Variants in THADA observed in about 807,000 individuals in gnomAD.
THADA encodes the protein tRNA (32-2'-O)-methyltransferase regulator THADA.
A neutral mutation model predicts 219.8 loss-of-function variants in THADA; 213 were observed. The observed-to-expected ratio is 0.97, with a 90% CI of 0.87 to 1.09. THADA has a LOEUF of 1.09. THADA is among the 50% of genes least tolerant of loss of function. The probability of loss-of-function intolerance (pLI) is 0.00; values close to 1 mark genes in which losing one functional copy is unlikely to be tolerated. For synonymous variants in THADA, 1,018 were observed against 828.9 expected (o/e 1.23, Z -3.92); for missense variants, 2,956 against 2,311.3 (o/e 1.28, Z -5.72).
chr2:43,445,656 A>T (rs7556744), intron 26 of THADA, among the ~76,000 whole-genome samples: 1 of 152,106 alleles, frequency 6.6e-6, no homozygotes, highest in South Asian at 2.1e-4. Flanking sequence ...AGGTAGCCAT[A>T]GGATTTTTGG....
chr2:43,456,279 A>C (rs1386042082), intron 26 of THADA, among the ~76,000 whole-genome samples: 6 of 152,228 alleles, frequency 3.9e-5, no homozygotes, highest in African/African-American at 1.4e-4. Context: ...TTCAAATACT[A>C]TTTATCTGAC....
intron 29 of THADA, among the ~76,000 whole-genome samples, chr2:43,363,588 T>C (rs1030413000): frequency 5.9e-5 from 9 of 152,230 alleles, no homozygotes; most frequent in African/African-American, 2.2e-4. Context: ...GAGGGATGTC[T>C]TCAACTTTGG....
intron 36 of THADA, among the ~76,000 whole-genome samples, chr2:43,273,914 T>G (rs1328696009): frequency 6.6e-6 from 1 of 152,068 alleles, no homozygotes; most frequent in African/African-American, 2.4e-5. Context: ...TGTGCAGATG[T>G]TGTTTTTTTC....
At chr2:43,507,494 G>C (rs527936252) in intron 23 of THADA, among the ~76,000 whole-genome samples, 1 of 152,216 alleles carries the variant, frequency 6.6e-6, no homozygotes, top group African/African-American at 2.4e-5. Context: ...TACAGAATGG[G>C]TCAGATCAAA....
intron 37 of THADA, among the ~76,000 whole-genome samples, chr2:43,232,025 A>C (rs1192585227): frequency 6.6e-6 from 1 of 152,042 alleles, no homozygotes; most frequent in Non-Finnish European, 1.5e-5. Flanking sequence ...AGTTTTCTTC[A>C]AGCAGGAAGT....
Position 43,555,700 on chromosome 2 carries a change from T to C in THADA, c.2674+645A>G, listed in dbSNP as rs898837775. Among the ~76,000 whole-genome samples, 3 of 152,140 alleles carry C rather than the reference T, an allele frequency of 2.0e-5. No individual in the cohort carries two copies. The East Asian group carries it at 5.8e-4, about 29-fold the overall frequency. ...CCTCCTCTTTTTCTCCCATTACTAG[T>C]TCTCTTTTTCATGGCTGTTTCTACC... On this transcript the variant is annotated intron_variant, in intron 17 of 37. Coordinates refer to ENST00000405975, the MANE Select transcript of THADA (RefSeq NM_022065.5).
intron 26 of THADA, among the ~76,000 whole-genome samples, chr2:43,441,930 G>T (rs760722435): frequency 7.2e-5 from 11 of 152,118 alleles, no homozygotes; most frequent in African/African-American, 2.2e-4. Context: ...CATGTTGGGC[G>T]CAATCCTATG....
intron 31 of THADA, among the ~76,000 whole-genome samples, chr2:43,309,370 C>T (rs1677230384): frequency 2.6e-5 from 4 of 152,258 alleles, no homozygotes; most frequent in South Asian, 4.2e-4. Flanking sequence ...AACATATGAC[C>T]GAACACTTCT....
At chr2:43,594,937 C>T (rs1290129084) in intron 1 of THADA, among the ~76,000 whole-genome samples, 4 of 152,210 alleles carry the variant, frequency 2.6e-5, no homozygotes, top group Non-Finnish European at 4.4e-5. Context: ...ATAGCACTTA[C>T]TAGTACCAGA....
rs555165640 is a variant in THADA, at chr2:43,566,759, C to T, written c.2250G>A (p.Ser750=). The T allele has an allele frequency of 1.2e-5, 19 of 1,568,112 alleles. No individual in the cohort carries two copies. Among genetic ancestry groups the T allele is most frequent in the African/African-American group, 8.4e-5 (6 of 71,630 alleles). ...AAATGGTTAAAGCTGAAAATCTAGT[C>T]GAGTAGGAAGATCCAGGAAACAATG... The part of the protein sequence containing the change: ...FEALFPGSSY[S]TRFSALTILG... The change falls in exon 15 of 38, where the codon TCG becomes TCA. Residue 750 remains serine, a synonymous_variant. Coordinates refer to ENST00000405975, the MANE Select transcript of THADA (RefSeq NM_022065.5).
At chr2:43,525,154 A>C (rs1239665613) in intron 22 of THADA, among the ~76,000 whole-genome samples, 1 of 152,124 alleles carries the variant, frequency 6.6e-6, no homozygotes, top group Non-Finnish European at 1.5e-5. Context: ...CCCTCTTTCA[A>C]CTTCCTTTGT....
intron 26 of THADA, among the ~76,000 whole-genome samples, chr2:43,449,540 GAC>G (rs1432530462): frequency 6.6e-6 from 1 of 152,136 alleles, no homozygotes; most frequent in African/African-American, 2.4e-5. Flanking sequence ...AAAAGACAAA[GAC>G]AAAGAGATAA....
In THADA at chr2:43,517,327, C is replaced by A. The variant is rs116758493; in HGVS notation, c.3375-8547G>T. Among the ~76,000 whole-genome samples the A allele has an allele frequency of 6.2e-3, 943 of 152,258 alleles. 9 individuals carry two copies. Among genetic ancestry groups the A allele is most frequent in the Middle Eastern group, 0.044 (13 of 294 alleles). On this transcript the variant is annotated intron_variant, in intron 22 of 37. Coordinates refer to ENST00000405975, the MANE Select transcript of THADA (RefSeq NM_022065.5). ...TGCAAACACAAAGCAATTAATTTCA[C>A]ATTTAAATATGAAGTACATTTAAAG...
At chr2:43,451,595 C>A (rs1682346569) in intron 26 of THADA, among the ~76,000 whole-genome samples, 1 of 152,184 alleles carries the variant, frequency 6.6e-6, no homozygotes, top group Admixed American at 6.5e-5. Context: ...TATTTGCTAT[C>A]TTCTTGCTAT....
At chr2:43,381,877 C>A (rs1363518547) in intron 29 of THADA, among the ~76,000 whole-genome samples, 1 of 152,094 alleles carries the variant, frequency 6.6e-6, no homozygotes, top group African/African-American at 2.4e-5. Flanking sequence ...AGCCACTGTG[C>A]CCAGCCAGTG....
chr2:43,297,503 G>T (rs1217806621), intron 31 of THADA, among the ~76,000 whole-genome samples: 1 of 103,412 alleles, frequency 9.7e-6, no homozygotes, highest in Non-Finnish European at 1.9e-5. Flanking sequence ...GGAGGTGGGC[G>T]GTCAGCCCCC....
chr2:43,483,811 T>A (rs975231519), intron 26 of THADA, among the ~76,000 whole-genome samples: 21 of 151,616 alleles, frequency 1.4e-4, no homozygotes, highest in South Asian at 4.2e-4. Context: ...CAAAAAAAAA[T>A]TTTCTTCAAG....
At chr2:43,527,857 CA>C (rs1296891218) in intron 22 of THADA, 21 bp downstream of exon 22, 5 of 1,516,146 alleles carry the variant, frequency 3.3e-6, no homozygotes, top group Non-Finnish European at 9.1e-7. Flanking sequence ...TTAAAACGTA[CA>C]CAAAAGGATA....
intron 8 of THADA, among the ~76,000 whole-genome samples, chr2:43,580,453 G>GT (rs1292841265): frequency 6.6e-6 from 1 of 152,096 alleles, no homozygotes; most frequent in African/African-American, 2.4e-5. Context: ...AAAGTTTTCT[G>GT]TAAGTTATGT....
Sources: allele counts gnomAD v4.1 joint callset (sites outside exome capture counted in the v4.1 genomes callset), GRCh38; gene constraint gnomAD v4.1.1; transcripts MANE v1.5; gene names NCBI Gene and HGNC (gene_info 2026-07-23, HGNC 2026-07-21).